The following SFMBT2 variants were observed in gnomAD, a reference collection of about 807,000 sequenced individuals.
The protein encoded by SFMBT2 is Scm like with four mbt domains 2, also known as scm-like with four MBT domains protein 2.
In SFMBT2, 38 loss-of-function variants were observed where a neutral mutation model predicts 110.1. That is an observed-to-expected ratio of 0.35 (90% CI 0.27 to 0.45). The LOEUF (loss-of-function observed/expected upper bound fraction) is 0.45. Among genes scored for constraint, SFMBT2 ranks in the 20% least tolerant of loss-of-function variants. SFMBT2 has a pLI of 1.00. For synonymous variants in SFMBT2, 425 were observed against 425.4 expected (o/e 1.00, Z 0.01); for missense variants, 1,011 against 1,094.9 (o/e 0.92, Z 1.08).
intron 16 of SFMBT2, among the ~76,000 whole-genome samples, chr10:7,181,902 T>G (rs958808452): frequency 6.6e-6 from 1 of 152,246 alleles, no homozygotes; most frequent in Non-Finnish European, 1.5e-5. Context: ...TCTGCATTTA[T>G]GTAATGAAGC....
intron 9 of SFMBT2, among the ~76,000 whole-genome samples, chr10:7,228,170 G>C (rs748604942): frequency 6.6e-6 from 1 of 152,166 alleles, no homozygotes; most frequent in Non-Finnish European, 1.5e-5. Flanking sequence ...AGGAAGGGTG[G>C]AACTTACCCA....
intron 4 of SFMBT2, among the ~76,000 whole-genome samples, chr10:7,334,656 G>C (rs1047600242): frequency 1.3e-5 from 2 of 152,050 alleles, no homozygotes; most frequent in Admixed American, 1.3e-4. Flanking sequence ...TGAGAGGCAG[G>C]GTAAAAGGAT....
intron 16 of SFMBT2, among the ~76,000 whole-genome samples, chr10:7,181,175 G>A (rs1302357275): frequency 6.6e-6 from 1 of 150,482 alleles, no homozygotes; most frequent in Non-Finnish European, 1.5e-5. Context: ...GGAGGCGGGG[G>A]TTGCAGTTAG....
rs1326658139 is a variant in SFMBT2 at position 7,301,961 on chromosome 10, G to A, written c.437-16007C>T. On this transcript the variant is annotated intron_variant, in intron 4 of 20. Coordinates refer to ENST00000397167, the MANE Select transcript of SFMBT2 (RefSeq NM_001387889.1). This position sits in a 1 kb window ranked among gnomAD's most constrained non-coding sequence, Gnocchi z 4.2. Reference sequence around the variant, plus strand: ...TCCACTGACCCCAAGGGACAGGGGAGGTGTGGACTGGGGGAAGCACAGAGA... The same window carrying A: ...TCCACTGACCCCAAGGGACAGGGGAAGTGTGGACTGGGGGAAGCACAGAGA... 6.6e-6 allele frequency among the ~76,000 whole-genome samples: 1 copy of A among 152,128 alleles called. No homozygotes were observed. Among genetic ancestry groups the A allele is most frequent in the Non-Finnish European group, 1.5e-5 (1 of 68,040 alleles).
intron 4 of SFMBT2, among the ~76,000 whole-genome samples, chr10:7,296,797 C>T (rs996357989): frequency 1.3e-5 from 2 of 152,132 alleles, no homozygotes; most frequent in African/African-American, 2.4e-5. Flanking sequence ...TAAAGCAGGC[C>T]GTCCTCCCTG....
chr10:7,276,499 C>CT (rs1841780838), intron 7 of SFMBT2, among the ~76,000 whole-genome samples: 1 of 90,690 alleles, frequency 1.1e-5, no homozygotes, highest in Non-Finnish European at 2.1e-5. Flanking sequence ...TAAGAAGGTG[C>CT]CTTTTCAAGT....
intron 4 of SFMBT2, among the ~76,000 whole-genome samples, chr10:7,358,810 TG>T (rs1844614234): frequency 2.0e-5 from 3 of 150,744 alleles, no homozygotes; most frequent in African/African-American, 4.9e-5. Flanking sequence ...GGCCCTGGAA[TG>T]GAGGCATGGT....
At chr10:7,183,580 T>C (rs1588775048) in intron 16 of SFMBT2, among the ~76,000 whole-genome samples, 1 of 152,246 alleles carries the variant, frequency 6.6e-6, no homozygotes, top group South Asian at 2.1e-4. Flanking sequence ...TTTAGAGAAA[T>C]GGAGACTGCC....
chr10:7,345,999 A>G (rs1357277904), intron 4 of SFMBT2, among the ~76,000 whole-genome samples: 1 of 152,154 alleles, frequency 6.6e-6, no homozygotes, highest in East Asian at 1.9e-4. Flanking sequence ...CTCGGTTGCT[A>G]CCATGTGTAG....
At chr10:7,389,412 T>G (rs1677714701) in intron 1 of SFMBT2, among the ~76,000 whole-genome samples, 1 of 152,196 alleles carries the variant, frequency 6.6e-6, no homozygotes, top group African/African-American at 2.4e-5. Context: ...ATACGTAATT[T>G]CAAGAACAAA....
At chr10:7,278,311 T>A (rs970678414) in intron 6 of SFMBT2, among the ~76,000 whole-genome samples, 1 of 152,138 alleles carries the variant, frequency 6.6e-6, no homozygotes. Context: ...ACACTGCTTA[T>A]CACAGGATCC....
intron 2 of SFMBT2, among the ~76,000 whole-genome samples, chr10:7,376,981 T>C (rs565235720): frequency 4.6e-4 from 69 of 150,998 alleles, no homozygotes; most frequent in East Asian, 1.8e-3. Context: ...CCGTCCTGGC[T>C]AACATGGTGA....
intron 2 of SFMBT2, among the ~76,000 whole-genome samples, chr10:7,371,472 G>A (rs1467516451): frequency 6.6e-6 from 1 of 152,168 alleles, no homozygotes; most frequent in African/African-American, 2.4e-5. Context: ...ACCCAGGCTT[G>A]AAGGAAATCA....
At chr10:7,337,861 A>G (rs980056876) in intron 4 of SFMBT2, among the ~76,000 whole-genome samples, 10 of 152,222 alleles carry the variant, frequency 6.6e-5, no homozygotes, top group Non-Finnish European at 2.9e-5. Flanking sequence ...ACAATGAGTC[A>G]TGTTTCCAGT....
At chr10:7,224,701 T>C (rs1262710847) in intron 10 of SFMBT2, among the ~76,000 whole-genome samples, 1 of 152,194 alleles carries the variant, frequency 6.6e-6, no homozygotes, top group African/African-American at 2.4e-5. Context: ...AGTATGAGCT[T>C]ACTCAGCCAA....
At chr10:7,379,558 T>G (rs552212044) in intron 2 of SFMBT2, among the ~76,000 whole-genome samples, 1 of 152,142 alleles carries the variant, frequency 6.6e-6, no homozygotes, top group East Asian at 1.9e-4. Flanking sequence ...CTTTAAAGAG[T>G]CTGTATCGTC....
chr10:7,185,148 G>A (rs577443316), intron 16 of SFMBT2, among the ~76,000 whole-genome samples: 1 of 152,226 alleles, frequency 6.6e-6, no homozygotes, highest in South Asian at 2.1e-4. Context: ...GTCTTAAGCT[G>A]GCCTGTTTGA....
rs1053417536 is a variant in SFMBT2, at chr10:7,162,229, G to C, written c.*1541C>G. ...AACTCAAAGCCAGAAAGAGCTGTAA[G>C]AATGGCCGAGTCAGAACTGGGACCA... is the stretch of plus-strand genomic sequence containing the variant. On this transcript the variant is annotated 3_prime_UTR_variant, in exon 21 of 21. Transcript: ENST00000397167. 11 of 152,226 alleles carry C rather than the reference G, an allele frequency of 7.2e-5. No individual in the cohort carries two copies. The highest frequency in any genetic ancestry group is 2.7e-4 in the African/African-American group (11 of 41,448). 9.4% of individuals were successfully genotyped at this position (152,226 alleles called of 1,614,324 possible).
chr10:7,290,367 A>C (rs1842227569), intron 4 of SFMBT2, among the ~76,000 whole-genome samples: 1 of 152,162 alleles, frequency 6.6e-6, no homozygotes, highest in African/African-American at 2.4e-5. Flanking sequence ...CCTTTTAAAA[A>C]TCCAAGTTCC....
Sources: gnomAD v4.1 joint callset for allele counts (sites outside exome capture counted in the v4.1 genomes callset) on GRCh38, gnomAD v4.1.1 for gene constraint, Gnocchi (gnomAD v3.1) non-coding constraint, MANE v1.5 for transcripts, NCBI Gene and HGNC (gene_info 2026-07-23, HGNC 2026-07-21) for gene names.